SEMA5A: variants seen among roughly 807,000 people sequenced by gnomAD.
SEMA5A encodes the protein semaphorin-5A.
Under a neutral mutation model 135.5 loss-of-function variants are expected in SEMA5A, and 55 were observed. The ratio of observed to expected loss-of-function variants is 0.41; its 90% CI spans 0.33 to 0.51. The LOEUF (loss-of-function observed/expected upper bound fraction) is 0.51, where lower values mean the gene tolerates loss of function less well. Ranked by LOEUF, SEMA5A falls within the 20% of genes least tolerant of loss-of-function variation. SEMA5A has a pLI of 0.37. For synonymous variants in SEMA5A, 580 were observed against 546.5 expected (o/e 1.06, Z -0.85); for missense variants, 1,290 against 1,419.9 (o/e 0.91, Z 1.47).
chr5:9,373,232 T>C (rs568974503), intron 3 of SEMA5A, among the ~76,000 whole-genome samples: 1 of 152,348 alleles, frequency 6.6e-6, no homozygotes, highest in Non-Finnish European at 1.5e-5. Context: ...ATGATATGTT[T>C]TGAAAGGAAA....
chr5:9,541,212 T>C (rs180730964), intron 1 of SEMA5A, among the ~76,000 whole-genome samples: 197 of 152,372 alleles, frequency 1.3e-3, no homozygotes, highest in African/African-American at 4.4e-3. Flanking sequence ...ACCCACAGAG[T>C]TGGCTTCTGA....
chr5:9,526,697 T>C (rs1427902782), intron 1 of SEMA5A, among the ~76,000 whole-genome samples: 7 of 152,160 alleles, frequency 4.6e-5, no homozygotes, highest in Non-Finnish European at 7.4e-5. Flanking sequence ...GTCCCCTAGT[T>C]CACATTTTGC....
intron 3 of SEMA5A, among the ~76,000 whole-genome samples, chr5:9,360,925 A>G (rs1205717): frequency 1 from 152,243 of 152,300 alleles, 76,093 homozygotes; most frequent in Non-Finnish European, 1. Flanking sequence ...GATTAAAAAC[A>G]TAGTCATTCT....
chr5:9,275,619 CA>C (rs746044570), intron 5 of SEMA5A, among the ~76,000 whole-genome samples: 10 of 152,278 alleles, frequency 6.6e-5, no homozygotes, highest in African/African-American at 2.2e-4. Flanking sequence ...AGCAGCACAT[CA>C]AAAAGCTTGT....
rs202049502 is a variant in SEMA5A at position 9,490,447 on chromosome 5, G to GA, written c.-174-52596dup. Among the ~76,000 whole-genome samples the GA allele has an allele frequency of 5.0e-3, 762 of 150,922 alleles. 1 individual carries two copies. The highest frequency in any genetic ancestry group is 0.043 in the South Asian group (205 of 4,778). On this transcript the variant is annotated intron_variant, in intron 1 of 22. Coordinates refer to ENST00000382496, the MANE Select transcript of SEMA5A (RefSeq NM_003966.3). ...GGATCCATTATTTTTCTCCGTATTTGAAAAAAAAATTTTAATAATTATTAC... is the reference window on the plus strand; with the variant it reads ...GGATCCATTATTTTTCTCCGTATTTGAAAAAAAAAATTTTAATAATTATTAC...
At chr5:9,472,489 C>A (rs1165391078) in intron 1 of SEMA5A, among the ~76,000 whole-genome samples, 1 of 152,182 alleles carries the variant, frequency 6.6e-6, no homozygotes, top group East Asian at 1.9e-4. Flanking sequence ...AAGTATTTTT[C>A]CCTGTATTGT....
intron 8 of SEMA5A, among the ~76,000 whole-genome samples, chr5:9,202,764 T>A (rs2150369740): frequency 6.6e-6 from 1 of 152,304 alleles, no homozygotes; most frequent in East Asian, 1.9e-4. Flanking sequence ...GTTTTCATTG[T>A]TGGGAATGAA....
At chr5:9,213,869 C>T (rs1746474481) in intron 8 of SEMA5A, among the ~76,000 whole-genome samples, 1 of 152,022 alleles carries the variant, frequency 6.6e-6, no homozygotes, top group South Asian at 2.1e-4. Context: ...TAGATGAGGA[C>T]AGGAAGGGAA....
intron 19 of SEMA5A, among the ~76,000 whole-genome samples, chr5:9,053,177 C>T (rs1448648533): frequency 6.6e-6 from 1 of 152,092 alleles, no homozygotes; most frequent in Admixed American, 6.6e-5. Flanking sequence ...GTCAGTAAAC[C>T]AAGCTATTTC....
chr5:9,149,868 GC>G (rs940699528), intron 12 of SEMA5A, among the ~76,000 whole-genome samples: 13 of 152,214 alleles, frequency 8.5e-5, no homozygotes, highest in African/African-American at 3.1e-4. Context: ...GAGGTGGGAA[GC>G]CTATGAGTTC....
chr5:9,457,642 T>C (rs978491210), intron 1 of SEMA5A, among the ~76,000 whole-genome samples: 1 of 152,226 alleles, frequency 6.6e-6, no homozygotes, highest in East Asian at 1.9e-4. Context: ...GATTAATTTC[T>C]TTAAGGCCCA....
At chr5:9,291,591 GAGAGAGAGAGAGAA>G (rs1751081767) in intron 5 of SEMA5A, among the ~76,000 whole-genome samples, 1 of 118,876 alleles carries the variant, frequency 8.4e-6, no homozygotes, top group Non-Finnish European at 2.1e-5. Context: ...GCAGGAAAGA[GAGAGAGAGAGAGAA>G]AGAGAGAGAG....
intron 6 of SEMA5A, among the ~76,000 whole-genome samples, chr5:9,236,966 C>A (rs1747946263): frequency 6.6e-6 from 1 of 152,160 alleles, no homozygotes; most frequent in South Asian, 2.1e-4. Context: ...GGGGGAGGAT[C>A]TTTTGCCAGT....
intron 2 of SEMA5A, among the ~76,000 whole-genome samples, chr5:9,429,444 T>C (rs975489931): frequency 6.6e-6 from 1 of 152,174 alleles, no homozygotes; most frequent in Non-Finnish European, 1.5e-5. Flanking sequence ...GCAAAATCCC[T>C]GGCAGGGTAG....
At chr5:9,274,527 C>CATT (rs202129390) in intron 5 of SEMA5A, among the ~76,000 whole-genome samples, 1,559 of 152,304 alleles carry the variant, frequency 0.01, 28 homozygotes, top group African/African-American at 0.036. Flanking sequence ...ACAGAATATA[C>CATT]ATTATTTTCA....
At chr5:9,214,818 T>C (rs1255039317) in intron 8 of SEMA5A, among the ~76,000 whole-genome samples, 2 of 152,202 alleles carry the variant, frequency 1.3e-5, no homozygotes, top group East Asian at 1.9e-4. Flanking sequence ...TCTTTTGAGA[T>C]AGTAATTCAG....
chr5:9,292,790 T>C (rs765958103), intron 5 of SEMA5A, among the ~76,000 whole-genome samples: 1 of 152,144 alleles, frequency 6.6e-6, no homozygotes, highest in African/African-American at 2.4e-5. Context: ...AGGTGCGATT[T>C]TGCACCCCAG....
At chr5:9,286,141 G>A (rs991089439) in intron 5 of SEMA5A, among the ~76,000 whole-genome samples, 66 of 152,118 alleles carry the variant, frequency 4.3e-4, no homozygotes, top group African/African-American at 1.3e-3. Context: ...CTAGGAGTTC[G>A]TTCCACCATA....
chr5:9,057,014 C>G (rs1736929692), intron 18 of SEMA5A, among the ~76,000 whole-genome samples: 1 of 152,152 alleles, frequency 6.6e-6, no homozygotes, highest in East Asian at 1.9e-4. Flanking sequence ...CTATGTGAAA[C>G]AAGCCAGACA....
Sources: gnomAD v4.1 joint callset for allele counts (sites outside exome capture counted in the v4.1 genomes callset) on GRCh38, gnomAD v4.1.1 for gene constraint, MANE v1.5 for transcripts, NCBI Gene and HGNC (gene_info 2026-07-23, HGNC 2026-07-21) for gene names.